TNKS: variants seen among roughly 807,000 people sequenced by gnomAD.
TNKS encodes poly [ADP-ribose] polymerase tankyrase-1.
TNKS carries 72 observed loss-of-function variants against 135.8 expected under a neutral mutation model. That is an observed-to-expected ratio of 0.53 (90% confidence interval 0.44 to 0.64). The LOEUF (loss-of-function observed/expected upper bound fraction) is 0.64. Ranked by LOEUF, TNKS falls within the 30% of genes least tolerant of loss-of-function variation. The pLI is 0.00. For synonymous variants in TNKS, 849 were observed against 649.3 expected, an observed-to-expected ratio of 1.31 and a Z score of -4.68; for missense variants, 1,769 against 1,674.0, an observed-to-expected ratio of 1.06 and a Z score of -0.99.
intron 3 of TNKS, among the ~76,000 whole-genome samples, chr8:9,617,491 C>G (rs1358592864): frequency 6.6e-6 from 1 of 152,142 alleles, no homozygotes; most frequent in East Asian, 1.9e-4. Context: ...AAGGAAAAGT[C>G]TAGTAATATG....
At chr8:9,611,806 G>T (rs1210071925) in intron 2 of TNKS, among the ~76,000 whole-genome samples, 1 of 152,206 alleles carries the variant, frequency 6.6e-6, no homozygotes, top group East Asian at 1.9e-4. Flanking sequence ...GGGGAATATT[G>T]TAGTTTGGGA....
chr8:9,584,364 T>A (rs1220552766), intron 2 of TNKS, among the ~76,000 whole-genome samples: 2 of 152,136 alleles, frequency 1.3e-5, no homozygotes. Flanking sequence ...ATTGTCTTGG[T>A]TTGTCCAGTC....
chr8:9,694,423 A>C (rs1174336077), intron 5 of TNKS, among the ~76,000 whole-genome samples: 1 of 152,140 alleles, frequency 6.6e-6, no homozygotes, highest in East Asian at 1.9e-4. Context: ...GTAAGAGTAA[A>C]AGATCGTGGC....
chr8:9,559,085 G>C (rs570839255), intron 1 of TNKS, among the ~76,000 whole-genome samples: 1 of 152,126 alleles, frequency 6.6e-6, no homozygotes, highest in Non-Finnish European at 1.5e-5. Flanking sequence ...TTAGATGATC[G>C]GGTGTTAAAT....
At chr8:9,564,906 C>G (rs977959785) in intron 1 of TNKS, among the ~76,000 whole-genome samples, 1 of 151,868 alleles carries the variant, frequency 6.6e-6, no homozygotes, top group African/African-American at 2.4e-5. Context: ...CTTTCAGTTT[C>G]TTGGTGAATA....
At chr8:9,747,892 A>G (rs778514117) in intron 17 of TNKS, 132 bp from the exon 18 acceptor site, 1 of 867,854 alleles carries the variant, frequency 1.2e-6, no homozygotes, top group Non-Finnish European at 1.7e-6. Flanking sequence ...TCTTTTTTTT[A>G]GAAGAAACTT....
intron 2 of TNKS, among the ~76,000 whole-genome samples, chr8:9,591,441 C>T (rs912317520): frequency 1.1e-4 from 16 of 152,288 alleles, no homozygotes; most frequent in African/African-American, 2.6e-4. Flanking sequence ...GGATGGATCC[C>T]TGAGAGTGGG....
In TNKS at chr8:9,751,614, C is replaced by T. The variant is rs139610385; in HGVS notation, c.2838C>T (p.Asp946=). 53 of 1,611,926 alleles carry T rather than the reference C, an allele frequency of 3.3e-5. No homozygotes were observed. Among genetic ancestry groups the T allele is most frequent in the Admixed American group, 2.2e-4 (13 of 59,712 alleles). ...GTTTTTAATCATTTTTTTAGGCTGA[C>T]GATATCAGAGCTTTGCTGATAGATG... ...GQTPLDLATA[D]DIRALLIDAM... The change falls in exon 19 of 27, where the codon GAC becomes GAT. Residue 946 remains aspartate, a synonymous_variant. Coordinates refer to ENST00000310430, the MANE Select transcript of TNKS (RefSeq NM_003747.3).
At chr8:9,681,209 T>G (rs1802768320) in intron 5 of TNKS, 1 of 154,210 alleles carries the variant, frequency 6.5e-6, no homozygotes. Flanking sequence ...TACCAACACT[T>G]TTTCCATTAA....
intron 1 of TNKS, among the ~76,000 whole-genome samples, chr8:9,565,103 C>G (rs533465834): frequency 1.7e-4 from 26 of 152,016 alleles, no homozygotes; most frequent in African/African-American, 6.3e-4. Context: ...AAGGCTTCAT[C>G]AGATGTCTAA....
chr8:9,662,639 A>G (rs997277953), intron 3 of TNKS, among the ~76,000 whole-genome samples: 10 of 152,200 alleles, frequency 6.6e-5, no homozygotes, highest in African/African-American at 2.4e-4. Context: ...AGATACACCT[A>G]ATGCTAAATG....
chr8:9,755,531 G>A (rs1408891267), intron 20 of TNKS, among the ~76,000 whole-genome samples: 1 of 152,158 alleles, frequency 6.6e-6, no homozygotes, highest in Non-Finnish European at 1.5e-5. Context: ...AATTGCAAAT[G>A]TTATTTATCT....
intron 5 of TNKS, among the ~76,000 whole-genome samples, chr8:9,682,781 G>A (rs1337144953): frequency 2.7e-5 from 4 of 149,692 alleles, no homozygotes; most frequent in South Asian, 2.1e-4. Flanking sequence ...ATGTGAATGC[G>A]ATATTTTATG....
intron 3 of TNKS, among the ~76,000 whole-genome samples, chr8:9,659,577 C>T (rs937192287): frequency 1.3e-5 from 2 of 152,084 alleles, no homozygotes; most frequent in African/African-American, 2.4e-5. Context: ...CTGGGACACA[C>T]TCAAAGCAGT....
intron 5 of TNKS, 109 bp downstream of exon 5, chr8:9,680,909 C>G (rs906311337): frequency 1.4e-6 from 1 of 704,614 alleles, no homozygotes; most frequent in Non-Finnish European, 2.5e-6. Context: ...TTTTAACTGG[C>G]ATCTTTTCAC....
intron 3 of TNKS, among the ~76,000 whole-genome samples, chr8:9,620,830 A>G (rs1251013241): frequency 6.6e-6 from 1 of 152,190 alleles, no homozygotes; most frequent in African/African-American, 2.4e-5. Context: ...ATTTATTGGT[A>G]TCTGGCATTG....
chr8:9,555,945 G>A lies in TNKS; in HGVS notation c.6G>A (p.Ala2=), dbSNP rs775224052. 1 of 1,610,438 alleles carries A rather than the reference G, an allele frequency of 6.2e-7. No individual in the cohort carries two copies. Among genetic ancestry groups the A allele is most frequent in the Non-Finnish European group, 8.5e-7 (1 of 1,178,638 alleles). M[A]ASRRSQHHHH... ...AGTGCTAGGGGAGTCCGAAGATGGC[G>A]GCGTCGCGTCGCTCTCAGCATCATC... Residue 2 remains alanine (A), a synonymous_variant, in exon 1 of 27, where the codon GCG becomes GCA. Coordinates refer to ENST00000310430, the MANE Select transcript of TNKS (RefSeq NM_003747.3).
At chr8:9,703,030 A>G (rs964146309) in intron 5 of TNKS, among the ~76,000 whole-genome samples, 2 of 152,184 alleles carry the variant, frequency 1.3e-5, no homozygotes, top group East Asian at 1.9e-4. Context: ...ACAAACAAAC[A>G]AAAAAGAAAC....
chr8:9,654,227 T>G (rs1165498445), intron 3 of TNKS, among the ~76,000 whole-genome samples: 1 of 152,196 alleles, frequency 6.6e-6, no homozygotes, highest in Non-Finnish European at 1.5e-5. Context: ...CCCCAAATCA[T>G]ACTTGAGAGA....
Sources: allele counts gnomAD v4.1 joint callset (sites outside exome capture counted in the v4.1 genomes callset), GRCh38; gene constraint gnomAD v4.1.1; transcripts MANE v1.5; gene names NCBI Gene and HGNC (gene_info 2026-07-23, HGNC 2026-07-21).